CLSTN2: variants seen among roughly 807,000 people sequenced by gnomAD.
CLSTN2 encodes the protein calsyntenin-2.
Under a neutral mutation model 101.2 loss-of-function variants are expected in CLSTN2, and 48 were observed. The ratio of observed to expected loss-of-function variants is 0.47; its 90% CI spans 0.38 to 0.60. CLSTN2 has a LOEUF of 0.60. CLSTN2 is among the 20% of genes least tolerant of loss of function. CLSTN2 has a pLI of 0.00. For synonymous variants in CLSTN2, 481 were observed against 463.6 expected (o/e 1.04, Z -0.48); for missense variants, 1,160 against 1,238.2 (o/e 0.94, Z 0.95).
At chr3:140,127,018 G>T (rs1252728544) in intron 1 of CLSTN2, among the ~76,000 whole-genome samples, 1 of 151,614 alleles carries the variant, frequency 6.6e-6, no homozygotes, top group African/African-American at 2.4e-5. Context: ...GTCATTATAT[G>T]TGTCATATAT....
intron 1 of CLSTN2, among the ~76,000 whole-genome samples, chr3:139,988,735 C>T (rs1936069820): frequency 1.3e-5 from 2 of 152,060 alleles, no homozygotes; most frequent in Non-Finnish European, 2.9e-5. Context: ...AAGGATGCAC[C>T]AGAGAGCTTG....
chr3:140,002,612 G>A (rs941855839), intron 1 of CLSTN2, among the ~76,000 whole-genome samples: 1 of 152,064 alleles, frequency 6.6e-6, no homozygotes, highest in African/African-American at 2.4e-5. Flanking sequence ...TGCTTGCGGG[G>A]TATTACTCAG....
rs116535012 is a variant in CLSTN2, at chr3:140,456,520, G to A, written c.974-3001G>A. Among the ~76,000 whole-genome samples, 735 of 152,270 alleles carry A rather than the reference G, an allele frequency of 4.8e-3. 6 individuals are homozygous for A. Among genetic ancestry groups the A allele is most frequent in the African/African-American group, 0.017 (701 of 41,564 alleles). On this transcript the variant is annotated intron_variant, in intron 6 of 16. Transcript: ENST00000458420. Reference sequence around the variant, plus strand: ...AAAAATAAGGTTATATAGGCCAGGCGTAGTGCTCGTAATCCCAGCACTTTG... The same window carrying A: ...AAAAATAAGGTTATATAGGCCAGGCATAGTGCTCGTAATCCCAGCACTTTG...
intron 1 of CLSTN2, among the ~76,000 whole-genome samples, chr3:140,112,041 T>A (rs2009165522): frequency 6.6e-6 from 1 of 152,226 alleles, no homozygotes; most frequent in African/African-American, 2.4e-5. Flanking sequence ...AGTTTGCAGG[T>A]ACCAAGCATC....
chr3:140,241,135 A>T (rs13090992), intron 2 of CLSTN2, among the ~76,000 whole-genome samples: 1 of 152,222 alleles, frequency 6.6e-6, no homozygotes, highest in African/African-American at 2.4e-5. Flanking sequence ...TTCAAAGAAA[A>T]CAAGAAAAGA....
chr3:139,997,435 A>T (rs1055410872), intron 1 of CLSTN2, among the ~76,000 whole-genome samples: 1 of 152,212 alleles, frequency 6.6e-6, no homozygotes, highest in Non-Finnish European at 1.5e-5. Context: ...TGGAGAACCA[A>T]ATTTTGCAGC....
At chr3:140,049,631 T>A (rs1469819044) in intron 1 of CLSTN2, among the ~76,000 whole-genome samples, 1 of 152,180 alleles carries the variant, frequency 6.6e-6, no homozygotes, top group African/African-American at 2.4e-5. Context: ...CCATGATCTG[T>A]CTGGCTCAAA....
chr3:140,160,801 A>G (rs886880351), intron 1 of CLSTN2, among the ~76,000 whole-genome samples: 5 of 152,162 alleles, frequency 3.3e-5, no homozygotes, highest in Non-Finnish European at 4.4e-5. Context: ...CTAACCTACC[A>G]CAATAGCTTT....
At chr3:140,028,673 G>A (rs2107758817) in intron 1 of CLSTN2, among the ~76,000 whole-genome samples, 1 of 152,348 alleles carries the variant, frequency 6.6e-6, no homozygotes, top group Admixed American at 6.5e-5. Flanking sequence ...TATGGAGCAT[G>A]AACTGTGGGG....
rs1024468031 is a variant in CLSTN2 at position 140,307,742 on chromosome 3, T to C, written c.233-95887T>C. On this transcript the variant is annotated intron_variant, in intron 2 of 16. Coordinates refer to ENST00000458420, the MANE Select transcript of CLSTN2 (RefSeq NM_022131.3). ...TCTTGAAATCAGCTTCCCTAAAATGTCTGTACCCTAGCTTGTGAATATTCT... is the reference window on the plus strand; with the variant it reads ...TCTTGAAATCAGCTTCCCTAAAATGCCTGTACCCTAGCTTGTGAATATTCT... 2.1e-4 allele frequency among the ~76,000 whole-genome samples: 32 copies of C among 152,322 alleles called. 1 individual carries two copies. Among genetic ancestry groups the C allele is most frequent in the Admixed American group, 1.4e-3 (22 of 15,302 alleles).
intron 2 of CLSTN2, among the ~76,000 whole-genome samples, chr3:140,389,777 A>G (rs1368239780): frequency 6.6e-6 from 1 of 152,200 alleles, no homozygotes; most frequent in Admixed American, 6.5e-5. Flanking sequence ...ATTTCTTCAC[A>G]ACCTCATCAG....
chr3:140,537,380 G>A (rs1265314384), intron 9 of CLSTN2, among the ~76,000 whole-genome samples: 3 of 151,526 alleles, frequency 2.0e-5, no homozygotes, highest in South Asian at 2.1e-4. Flanking sequence ...ATTTATTCTA[G>A]CAATGAAAAA....
chr3:140,160,824 A>C (rs1360703628), intron 1 of CLSTN2, among the ~76,000 whole-genome samples: 1 of 152,172 alleles, frequency 6.6e-6, no homozygotes, highest in Non-Finnish European at 1.5e-5. Context: ...AAATACACCC[A>C]GGAACGCTTG....
At chr3:140,017,064 G>A (rs919464025) in intron 1 of CLSTN2, among the ~76,000 whole-genome samples, 1 of 152,184 alleles carries the variant, frequency 6.6e-6, no homozygotes, top group Non-Finnish European at 1.5e-5. Flanking sequence ...CAGTTAGAGT[G>A]CTCTTTCATG....
chr3:140,565,283 G>A (rs1936005084), intron 16 of CLSTN2, among the ~76,000 whole-genome samples: 1 of 152,164 alleles, frequency 6.6e-6, no homozygotes, highest in Non-Finnish European at 1.5e-5. Context: ...TGAAGAGTGG[G>A]TAGGATTTGG....
chr3:140,232,365 T>A (rs1013118594), intron 2 of CLSTN2, among the ~76,000 whole-genome samples: 1 of 152,150 alleles, frequency 6.6e-6, no homozygotes, highest in Admixed American at 6.5e-5. Context: ...TGTTAGCCAC[T>A]CTCTCCTGAT....
chr3:140,318,748 A>C (rs2087254619), intron 2 of CLSTN2, among the ~76,000 whole-genome samples: 1 of 152,190 alleles, frequency 6.6e-6, no homozygotes, highest in Admixed American at 6.5e-5. Context: ...GGGAGATCTT[A>C]GGTGTTATTT....
chr3:140,030,254 A>G lies in CLSTN2; in HGVS notation c.109+94771A>G, dbSNP rs116571183. ...CCTTTGCAATCCTGTTGAGAGACAG[A>G]TGATATTATTCCCCTTATGAACATG... On this transcript the variant is annotated intron_variant, in intron 1 of 16. Coordinates refer to ENST00000458420, the MANE Select transcript of CLSTN2 (RefSeq NM_022131.3). Among the ~76,000 whole-genome samples the G allele has an allele frequency of 9.4e-3, 1,428 of 152,274 alleles. 6 individuals are homozygous for G. The highest frequency in any genetic ancestry group is 0.014 in the Non-Finnish European group (980 of 68,034).
At position 140,466,725 on chromosome 3, in the gene CLSTN2, G is replaced by T. The variant is rs779325758; in HGVS notation, c.1338G>T (p.Leu446=). 1.4e-5 allele frequency: 22 copies of T among 1,613,916 alleles called. No homozygotes were observed. The highest frequency in any genetic ancestry group is 1.9e-5 in the Non-Finnish European group (22 of 1,180,012). ...GCCCCGCGGAGTTCCACTGGAAGCT[G>T]GATCAGGTATGGTGCTCACCTCACA... ...TFRPAEFHWK[L]DQICDKEWHY... Residue 446 remains leucine, a synonymous_variant, in exon 8 of 17, where the codon CTG becomes CTT. Transcript: ENST00000458420.
Sources: allele counts gnomAD v4.1 joint callset (sites outside exome capture counted in the v4.1 genomes callset), GRCh38; gene constraint gnomAD v4.1.1; transcripts MANE v1.5; gene names NCBI Gene and HGNC (gene_info 2026-07-23, HGNC 2026-07-21).